Variants in ZMYND11 observed in about 807,000 individuals in gnomAD.
The protein encoded by ZMYND11 is zinc finger MYND-type containing 11, also known as zinc finger MYND domain-containing protein 11.
ZMYND11 carries 9 observed loss-of-function variants against 84.9 expected under a neutral mutation model. That is an observed-to-expected ratio of 0.11 (90% CI 0.06 to 0.18). The LOEUF (loss-of-function observed/expected upper bound fraction) is 0.18, where lower values mean the gene tolerates loss of function less well. Among genes scored for constraint, ZMYND11 ranks in the 10% least tolerant of loss-of-function variants. The probability of loss-of-function intolerance (pLI) is 1.00; values close to 1 mark genes in which losing one functional copy is unlikely to be tolerated. For synonymous variants in ZMYND11, 250 were observed against 244.1 expected, an observed-to-expected ratio of 1.02 and a Z score of -0.23; for missense variants, 409 against 761.0, an observed-to-expected ratio of 0.54 and a Z score of 5.44.
At chr10:211,186 C>A (rs960528163) in intron 3 of ZMYND11, among the ~76,000 whole-genome samples, 1 of 151,198 alleles carries the variant, frequency 6.6e-6, no homozygotes. Context: ...CAGAGCAAGA[C>A]CCTGTCTCCT....
intron 3 of ZMYND11, among the ~76,000 whole-genome samples, chr10:212,890 ATCTT>A (rs1945503451): frequency 6.6e-6 from 1 of 152,138 alleles, no homozygotes; most frequent in Non-Finnish European, 1.5e-5. Context: ...AGAACACTGG[ATCTT>A]TATTTAAAGT....
chr10:202,453 C>T (rs975536418), intron 2 of ZMYND11, among the ~76,000 whole-genome samples: 3 of 152,056 alleles, frequency 2.0e-5, no homozygotes, highest in African/African-American at 7.2e-5. Flanking sequence ...ATAATGAACA[C>T]GTTAGCCCTT....
At chr10:237,289 G>GTA (rs1488384334) in intron 5 of ZMYND11, among the ~76,000 whole-genome samples, 18 of 152,128 alleles carry the variant, frequency 1.2e-4, no homozygotes, top group African/African-American at 4.3e-4. Context: ...CTATATAGTA[G>GTA]TATATGTACA....
intron 1 of ZMYND11, among the ~76,000 whole-genome samples, chr10:170,974 A>G (rs782102454): frequency 2.0e-5 from 3 of 152,146 alleles, no homozygotes; most frequent in Non-Finnish European, 4.4e-5. Context: ...GATTGAAGAG[A>G]TAAAGAATAT....
intron 1 of ZMYND11, among the ~76,000 whole-genome samples, chr10:136,943 G>A (rs917661337): frequency 1.3e-5 from 2 of 152,050 alleles, no homozygotes; most frequent in African/African-American, 4.8e-5. Flanking sequence ...ATAGTATCTG[G>A]TGTCATATAC....
In ZMYND11 at chr10:137,447, CTGTT is replaced by C. The variant is rs781943851; in HGVS notation, c.-20+1892_-20+1895del. ...AGAACATTCTTAAAAATAATTTAAT[CTGTT>C]TGTCCAAAAGCAGAAAGTAAATGTT... On this transcript the variant is annotated intron_variant, in intron 1 of 14. Transcript: ENST00000381604. Among the ~76,000 whole-genome samples, 219 of 152,274 alleles carry C rather than the reference CTGTT, an allele frequency of 1.4e-3. 2 individuals carry two copies. Among genetic ancestry groups the C allele is most frequent in the South Asian group, 8.3e-4 (4 of 4,824 alleles).
Position 249,046 on chromosome 10 carries a change from A to C in ZMYND11, c.1644A>C (p.Thr548=). The part of the protein sequence containing the change: ...EFVEEIKKLA[T]QHKQLISQTK... ...TAGAAGAAATCAAGAAGCTGGCAAC[A>C]CAGCACAAGCAACTGATTTCTCAGA... Residue 548 remains threonine, a synonymous_variant, in exon 14 of 15, where the codon ACA becomes ACC. Coordinates refer to ENST00000381604, the MANE Select transcript of ZMYND11 (RefSeq NM_001370100.5). The C allele has an allele frequency of 6.2e-7, 1 of 1,614,242 alleles. No homozygotes were observed. The highest frequency in any genetic ancestry group is 8.5e-7 in the Non-Finnish European group (1 of 1,180,026).
chr10:238,423 C>G (rs189182594), intron 6 of ZMYND11, among the ~76,000 whole-genome samples: 456 of 151,904 alleles, frequency 3.0e-3, no homozygotes, highest in African/African-American at 0.011. Context: ...GTGGTGTGAT[C>G]TTGGCTCACT....
intron 2 of ZMYND11, among the ~76,000 whole-genome samples, chr10:200,240 A>G (rs1028093591): frequency 4.2e-5 from 1 of 23,976 alleles, no homozygotes; most frequent in Non-Finnish European, 1.7e-4. Context: ...TATATATAAA[A>G]ATATATATAT....
chr10:218,980 C>T (rs112989881), intron 3 of ZMYND11, among the ~76,000 whole-genome samples: 3 of 152,136 alleles, frequency 2.0e-5, no homozygotes, highest in Non-Finnish European at 4.4e-5. Flanking sequence ...CAGCTATTGC[C>T]GTGATTAAAA....
upstream of ZMYND11, among the ~76,000 whole-genome samples, chr10:132,318 T>C (rs551751537): frequency 8.0e-5 from 12 of 150,364 alleles, no homozygotes; most frequent in South Asian, 2.5e-3. Context: ...TATATTTTAT[T>C]GGTCTCTGAG....
At chr10:221,565 C>G (rs758727604) in intron 4 of ZMYND11, among the ~76,000 whole-genome samples, 1 of 152,122 alleles carries the variant, frequency 6.6e-6, no homozygotes, top group Non-Finnish European at 1.5e-5. Flanking sequence ...GTTTTAATCA[C>G]GTAAAAATAT....
chr10:219,625 T>C (rs1946778175), intron 3 of ZMYND11, among the ~76,000 whole-genome samples: 1 of 152,194 alleles, frequency 6.6e-6, no homozygotes, highest in East Asian at 1.9e-4. Context: ...CAAGGATGAC[T>C]GTTTTAATAC....
At chr10:139,826 C>G (rs1340874146) in intron 1 of ZMYND11, among the ~76,000 whole-genome samples, 3 of 150,684 alleles carry the variant, frequency 2.0e-5, no homozygotes, top group South Asian at 2.1e-4. Context: ...ATTCTCATGC[C>G]TTAGCCTGCC....
chr10:146,841 G>A (rs868987596), intron 1 of ZMYND11, among the ~76,000 whole-genome samples: 102 of 152,306 alleles, frequency 6.7e-4, no homozygotes, highest in African/African-American at 2.4e-3. Context: ...AAGATCTGAT[G>A]GTTTTATAAA....
At chr10:248,231 A>G (rs1457632467) in intron 12 of ZMYND11, 105 bp from the exon 13 acceptor site, 4 of 1,406,490 alleles carry the variant, frequency 2.8e-6, no homozygotes, top group African/African-American at 1.4e-5. Context: ...AGTTTATTCT[A>G]TGGCTATTAT....
chr10:167,959 A>G (rs1019102450), intron 1 of ZMYND11, among the ~76,000 whole-genome samples: 1 of 152,112 alleles, frequency 6.6e-6, no homozygotes. Flanking sequence ...CTTAAACTCT[A>G]TACCCATTAA....
chr10:157,604 A>G (rs1486779635), intron 1 of ZMYND11, among the ~76,000 whole-genome samples: 4 of 152,192 alleles, frequency 2.6e-5, no homozygotes, highest in Non-Finnish European at 2.9e-5. Flanking sequence ...GGAAGGGGCA[A>G]CATGTTTAAA....
chr10:249,495 A>G (rs1366649841), intron 14 of ZMYND11: 2 of 984,692 alleles, frequency 2.0e-6, no homozygotes, highest in Admixed American at 6.2e-5. Flanking sequence ...ATTTCCCTGC[A>G]CTTAACATTT....
Sources: gnomAD v4.1 joint callset for allele counts (sites outside exome capture counted in the v4.1 genomes callset) on GRCh38, gnomAD v4.1.1 for gene constraint, MANE v1.5 for transcripts, NCBI Gene and HGNC (gene_info 2026-07-23, HGNC 2026-07-21) for gene names.